Variants in CYP39A1 observed in about 807,000 individuals in gnomAD.
CYP39A1 encodes cytochrome P450 family 39 subfamily A member 1.
Under a neutral mutation model 58.1 loss-of-function variants are expected in CYP39A1, and 49 were observed. The ratio of observed to expected loss-of-function variants is 0.84; its 90% CI spans 0.67 to 1.07. The LOEUF is 1.07. Among genes scored for constraint, CYP39A1 ranks in the 50% least tolerant of loss-of-function variants. CYP39A1 has a pLI of 0.00. For missense variants in CYP39A1, 531 were observed against 539.4 expected (o/e 0.98, Z 0.16); for synonymous variants, 209 against 187.6 (o/e 1.11, Z -0.93).
chr6:46,637,953 T>C lies in CYP39A1; in HGVS notation c.514A>G (p.Asn172Asp), dbSNP rs1776094671. The change falls in exon 4 of 12, where the codon AAT (asparagine) becomes GAT (aspartate). Residue 172 changes from asparagine (N) to aspartate (D), a missense_variant. Asn to Asp is a conservative substitution (Grantham distance 23). Coordinates refer to ENST00000275016, the MANE Select transcript of CYP39A1 (RefSeq NM_016593.5). Reference sequence around the variant, plus strand: ...AACAAACTTTTATTAAAGAGCATATTCACTGTGACTGGATAAAGGAGATGT... The same window carrying C: ...AACAAACTTTTATTAAAGAGCATATCCACTGTGACTGGATAAAGGAGATGT... ...VRHLLYPVTV[N>D]MLFNKSLFST... The C allele has an allele frequency of 6.2e-7, 1 of 1,611,770 alleles. No individual in the cohort carries two copies. The highest frequency in any genetic ancestry group is 1.7e-5 in the Admixed American group (1 of 59,352).
rs531894724 is a variant in CYP39A1, at chr6:46,584,180, G to A, written c.1250+2897C>T. On this transcript the variant is annotated intron_variant, in intron 10 of 11. Transcript: ENST00000275016. ...TTCATGCATTGGCTGTTTAAAATAAGTAATAAGTAATAAGACAAAATTAAG... is the reference window on the plus strand; with the variant it reads ...TTCATGCATTGGCTGTTTAAAATAAATAATAAGTAATAAGACAAAATTAAG... 2.0e-5 allele frequency among the ~76,000 whole-genome samples: 3 copies of A among 152,186 alleles called. No individual in the cohort carries two copies. The East Asian group carries it at 5.8e-4, about 29-fold the overall frequency.
At chr6:46,560,762 G>A (rs1458108945) in intron 10 of CYP39A1, among the ~76,000 whole-genome samples, 2 of 129,120 alleles carry the variant, frequency 1.5e-5, no homozygotes, top group East Asian at 4.2e-4. Flanking sequence ...TACAGAGTGA[G>A]TTAAATAAAC....
chr6:46,595,520 T>C (rs1462923579), intron 8 of CYP39A1, among the ~76,000 whole-genome samples: 1 of 151,970 alleles, frequency 6.6e-6, no homozygotes, highest in Non-Finnish European at 1.5e-5. Context: ...TTTTCACTTA[T>C]ATGTTGAATC....
chr6:46,601,323 G>T (rs536338647), intron 7 of CYP39A1, among the ~76,000 whole-genome samples: 7 of 152,234 alleles, frequency 4.6e-5, no homozygotes, highest in Non-Finnish European at 1.0e-4. Flanking sequence ...CCTTCATCAT[G>T]CTTCCTACTC....
intron 1 of CYP39A1, among the ~76,000 whole-genome samples, chr6:46,649,689 A>C (rs992306895): frequency 6.6e-6 from 1 of 152,234 alleles, no homozygotes; most frequent in Non-Finnish European, 1.5e-5. Context: ...ACTATGAAAC[A>C]ATATATAAGA....
intron 2 of CYP39A1, among the ~76,000 whole-genome samples, chr6:46,640,701 G>A (rs1776279082): frequency 6.6e-6 from 1 of 152,010 alleles, no homozygotes; most frequent in Non-Finnish European, 1.5e-5. Context: ...TTTGGGGCAT[G>A]ATTAATCCCA....
intron 11 of CYP39A1, among the ~76,000 whole-genome samples, chr6:46,553,274 A>G (rs1381197912): frequency 6.6e-6 from 1 of 152,200 alleles, no homozygotes; most frequent in Non-Finnish European, 1.5e-5. Context: ...ATGACTGAAT[A>G]TTCAATAGTT....
At chr6:46,579,294 G>A (rs1026939468) in intron 10 of CYP39A1, among the ~76,000 whole-genome samples, 5 of 151,978 alleles carry the variant, frequency 3.3e-5, no homozygotes, top group African/African-American at 7.2e-5. Flanking sequence ...AAAGGCCTTC[G>A]ATAAAATTCC....
At chr6:46,587,298 C>T (rs1031743656) in intron 9 of CYP39A1, 133 bp from the exon 10 acceptor site, 1 of 682,314 alleles carries the variant, frequency 1.5e-6, no homozygotes, top group African/African-American at 1.8e-5. Context: ...GTAATTTTTT[C>T]CACCCTGTTA....
intron 10 of CYP39A1, among the ~76,000 whole-genome samples, chr6:46,564,965 T>A (rs1771194645): frequency 6.6e-6 from 1 of 152,154 alleles, no homozygotes; most frequent in Admixed American, 6.5e-5. Context: ...GAGAAATCTT[T>A]TAGGAAAATA....
intron 10 of CYP39A1, among the ~76,000 whole-genome samples, chr6:46,564,128 CTATT>C (rs1771142399): frequency 8.7e-6 from 1 of 115,366 alleles, no homozygotes; most frequent in South Asian, 2.7e-4. Flanking sequence ...CTATTTTATT[CTATT>C]TTATTCTATT....
At chr6:46,640,300 C>T (rs1776251015) in intron 2 of CYP39A1, among the ~76,000 whole-genome samples, 1 of 152,130 alleles carries the variant, frequency 6.6e-6, no homozygotes, top group African/African-American at 2.4e-5. Context: ...GTTCTGTCTG[C>T]TCAGAATGTT....
intron 7 of CYP39A1, among the ~76,000 whole-genome samples, chr6:46,616,054 TTCTTTTC>T (rs1346841912): frequency 7.7e-6 from 1 of 129,140 alleles, no homozygotes; most frequent in Non-Finnish European, 1.6e-5. Context: ...TTCTTTTCTT[TTCTTTTC>T]TCTCTCTTTC....
At chr6:46,558,061 A>T (rs1770754090) in intron 10 of CYP39A1, among the ~76,000 whole-genome samples, 1 of 152,098 alleles carries the variant, frequency 6.6e-6, no homozygotes, top group African/African-American at 2.4e-5. Flanking sequence ...CAAAGACACC[A>T]TAAAGAACAA....
At chr6:46,619,404 C>T (rs541707887) in intron 7 of CYP39A1, among the ~76,000 whole-genome samples, 9 of 152,024 alleles carry the variant, frequency 5.9e-5, no homozygotes, top group South Asian at 2.1e-4. Flanking sequence ...TTGTTGGAGA[C>T]GTTGCATTTT....
chr6:46,635,361 T>G (rs1317000368), intron 5 of CYP39A1, among the ~76,000 whole-genome samples: 2 of 152,166 alleles, frequency 1.3e-5, no homozygotes, highest in Non-Finnish European at 2.9e-5. Context: ...AACCAGTGAC[T>G]GGATTTGAGC....
rs1484917692 is a variant in CYP39A1, at chr6:46,616,194, C to CTTT, written c.931+9223_931+9224insAAA. On this transcript the variant is annotated intron_variant, in intron 7 of 11. Coordinates refer to ENST00000275016, the MANE Select transcript of CYP39A1 (RefSeq NM_016593.5). ...TTCTTTCTTTCTTTCTTTCTTCTTT[C>CTTT]CCTCCCTCCCTCCCTCCCTCCCTCC... Among the ~76,000 whole-genome samples, 2 of 846 alleles carry CTTT rather than the reference C, an allele frequency of 2.4e-3. 1 individual carries two copies. The highest frequency in any genetic ancestry group is 7.6e-3 in the African/African-American group (2 of 264). 0.6% of individuals were successfully genotyped at this position (846 alleles called of 152,430 possible).
At chr6:46,561,345 G>T (rs1313702697) in intron 10 of CYP39A1, among the ~76,000 whole-genome samples, 1 of 152,100 alleles carries the variant, frequency 6.6e-6, no homozygotes, top group Non-Finnish European at 1.5e-5. Flanking sequence ...TGGGATAAAA[G>T]GCCCCTGCCA....
At chr6:46,554,895 C>T (rs1030584074) in intron 10 of CYP39A1, among the ~76,000 whole-genome samples, 1 of 152,216 alleles carries the variant, frequency 6.6e-6, no homozygotes, top group South Asian at 2.1e-4. Context: ...CAGTGTAGTT[C>T]TTCATCATTT....
Sources: allele counts gnomAD v4.1 joint callset (sites outside exome capture counted in the v4.1 genomes callset), GRCh38; gene constraint gnomAD v4.1.1; transcripts MANE v1.5; gene names NCBI Gene and HGNC (gene_info 2026-07-23, HGNC 2026-07-21).